Variants in CDHR1 observed in about 807,000 individuals in gnomAD.
CDHR1 encodes the protein cadherin related family member 1.
Under a neutral mutation model 72.1 loss-of-function variants are expected in CDHR1, and 61 were observed. That is an observed-to-expected ratio of 0.85 (90% CI 0.69 to 1.05). The LOEUF is 1.05. Among genes scored for constraint, CDHR1 ranks in the 50% least tolerant of loss-of-function variants. CDHR1 has a pLI of 0.00. For missense variants in CDHR1, 1,186 were observed against 1,115.7 expected (o/e 1.06, Z -0.90); for synonymous variants, 470 against 448.1 (o/e 1.05, Z -0.62).
At chr10:84,208,015 T>C (rs1475231248) in intron 10 of CDHR1, among the ~76,000 whole-genome samples, 159 bp from the exon 11 acceptor site, 1 of 152,232 alleles carries the variant, frequency 6.6e-6, no homozygotes, top group African/African-American at 2.4e-5. Context: ...CATGAAGTGA[T>C]AGCTTGCCAT....
intron 1 of CDHR1, 61 bp downstream of exon 1, chr10:84,194,876 AC>A: frequency 6.8e-7 from 1 of 1,473,614 alleles, no homozygotes; most frequent in Non-Finnish European, 9.2e-7. Context: ...CGCTGGCGTC[AC>A]CCAGGTGGCC....
intron 2 of CDHR1, 85 bp downstream of exon 2, chr10:84,195,674 C>G (rs1842017531): frequency 8.4e-7 from 1 of 1,185,630 alleles, no homozygotes; most frequent in Admixed American, 1.9e-5. Flanking sequence ...AGGCACCACC[C>G]AAGTTGCTGC....
chr10:84,213,195 C>G lies in CDHR1; in HGVS notation c.1887C>G (p.Ile629Met), dbSNP rs1413588687. The G allele has an allele frequency of 1.9e-6, 3 of 1,614,254 alleles. No homozygotes were observed. Among genetic ancestry groups the G allele is most frequent in the Non-Finnish European group, 2.5e-6 (3 of 1,180,050 alleles). The stretch of plus-strand genomic sequence containing the variant: ...ACATCAATTCCCACACGGGGGAGAT[C>G]TGGCTCAAGAATTCCATCCGCTCCC... The part of the protein sequence containing the change: ...VFDINSHTGE[I>M]WLKNSIRSLD... The change falls in exon 16 of 17, where the codon ATC (isoleucine) becomes ATG (methionine). Residue 629 changes from isoleucine to methionine, a missense_variant. Transcript: ENST00000623527.
intron 7 of CDHR1, among the ~76,000 whole-genome samples, chr10:84,202,703 G>A (rs1842149218): frequency 6.6e-6 from 1 of 152,184 alleles, no homozygotes; most frequent in African/African-American, 2.4e-5. Flanking sequence ...CTGGGAGGGG[G>A]AATTTAGCTC....
At position 84,215,445 on chromosome 10, in the gene CDHR1, A is replaced by G; in HGVS notation, c.*824A>G. On this transcript the variant is annotated 3_prime_UTR_variant, in exon 17 of 17. Transcript: ENST00000623527. ...GAGCTGCCCCACCAGCCATCCTTGA[A>G]GAGACAATTCAGGGCAGTTGATGAA... The G allele has an allele frequency of 2.0e-6, 2 of 985,478 alleles. No individual in the cohort carries two copies. Among genetic ancestry groups the G allele is most frequent in the Non-Finnish European group, 2.4e-6 (2 of 829,958 alleles). The allele number at this position is 985,478 out of a possible 1,614,324, so 61.0% of individuals were successfully genotyped here.
rs150274748 is a variant in CDHR1, at chr10:84,211,592, C to A, written c.1486-56C>A. The A allele has an allele frequency of 7.4e-6, 11 of 1,494,938 alleles. No homozygotes were observed. The Admixed American group carries it at 1.7e-4, about 23-fold the overall frequency. The allele number at this position is 1,494,938 out of a possible 1,614,324, so 92.6% of individuals were successfully genotyped here. A position where few individuals can be genotyped will look rare whatever the true frequency, so the allele number is the denominator to read the frequency against. On this transcript the variant is annotated intron_variant, in intron 13 of 16. Coordinates refer to ENST00000623527, the MANE Select transcript of CDHR1 (RefSeq NM_033100.4). ...GAAAGCAACCCTCAGGGCATGGGAG[C>A]TGCCAACATACCCTGACAAAGAGGC...
At chr10:84,209,813 C>G (rs577580050) in intron 12 of CDHR1, among the ~76,000 whole-genome samples, 1 of 152,176 alleles carries the variant, frequency 6.6e-6, no homozygotes, top group South Asian at 2.1e-4. Flanking sequence ...TAGGAATTAC[C>G]ATAAGAAATA....
intron 9 of CDHR1, 56 bp from the exon 10 acceptor site, chr10:84,205,771 C>T (rs1168707074): frequency 8.2e-6 from 10 of 1,217,296 alleles, no homozygotes; most frequent in Non-Finnish European, 1.2e-5. Context: ...TGGCACGACT[C>T]CCCTGCGCCT....
chr10:84,214,412 G>C lies in CDHR1; in HGVS notation c.2371G>C (p.Ala791Pro). The C allele has an allele frequency of 6.2e-7, 1 of 1,613,720 alleles. No homozygotes were observed. Among genetic ancestry groups the C allele is most frequent in the Non-Finnish European group, 8.5e-7 (1 of 1,180,036 alleles). Residue 791 changes from alanine to proline, a missense_variant, in exon 17 of 17, where the codon GCT becomes CCT. By Grantham distance (27) the Ala-to-Pro change is conservative. Coordinates refer to ENST00000623527, the MANE Select transcript of CDHR1 (RefSeq NM_033100.4). ...CCCAGAAAGCTCTCTGCTCCCGAGAGCTCCGGCTCTCCCTCCACCACCCAG... is the reference window on the plus strand; with the variant it reads ...CCCAGAAAGCTCTCTGCTCCCGAGACCTCCGGCTCTCCCTCCACCACCCAG... ...NSPESSLLPR[A>P]PALPPPPSVA...
chr10:84,208,225 G>A lies in CDHR1; in HGVS notation c.1015G>A (p.Val339Ile). 1 of 1,614,154 alleles carries A rather than the reference G, an allele frequency of 6.2e-7. No individual in the cohort carries two copies. Among genetic ancestry groups the A allele is most frequent in the Non-Finnish European group, 8.5e-7 (1 of 1,180,028 alleles). ...CCCAGCTGCCCAGGCCACCGTCCCA[G>A]TCACCATCAGGATTGTGGACCTCAA... ...GSPAAQATVP[V>I]TIRIVDLNNH... Residue 339 changes from valine to isoleucine, a missense_variant, in exon 11 of 17, where the codon GTC becomes ATC. Coordinates refer to ENST00000623527, the MANE Select transcript of CDHR1 (RefSeq NM_033100.4).
At position 84,217,601 on chromosome 10, in the gene CDHR1, G is replaced by A. The variant is rs954566611; in HGVS notation, c.*2980G>A. On this transcript the variant is annotated 3_prime_UTR_variant, in exon 17 of 17. Transcript: ENST00000623527. ...TAATATATGTAAAGTGCCTAGCACC[G>A]GCTTTGTATCTACTTACACAAGCTC... 10 of 985,288 alleles carry A rather than the reference G, an allele frequency of 1.0e-5. No individual in the cohort carries two copies. The highest frequency in any genetic ancestry group is 8.7e-5 in the African/African-American group (5 of 57,220). 61.0% of individuals were successfully genotyped at this position (985,288 alleles called of 1,614,324 possible).
intron 12 of CDHR1, among the ~76,000 whole-genome samples, chr10:84,209,668 A>G (rs1227053503): frequency 6.6e-6 from 1 of 151,774 alleles, no homozygotes; most frequent in African/African-American, 2.4e-5. Context: ...ACTCTTAGAA[A>G]CTCAGCAAAA....
chr10:84,203,565 C>T (rs937151326), intron 8 of CDHR1, among the ~76,000 whole-genome samples: 4 of 152,110 alleles, frequency 2.6e-5, no homozygotes, highest in East Asian at 1.9e-4. Context: ...CAGGTGCACA[C>T]CACCATGCTC....
At chr10:84,201,988 T>A in intron 7 of CDHR1, 68 bp downstream of exon 7, 1 of 1,206,684 alleles carries the variant, frequency 8.3e-7, no homozygotes, top group Non-Finnish European at 1.2e-6. Flanking sequence ...AGTTAGGTTC[T>A]ACAGGGGAGT....
At position 84,217,675 on chromosome 10, in the gene CDHR1, TG is replaced by T; in HGVS notation, c.*3055del. 1 of 985,478 alleles carries T rather than the reference TG, an allele frequency of 1.0e-6. No homozygotes were observed. The highest frequency in any genetic ancestry group is 1.2e-6 in the Non-Finnish European group (1 of 829,992). The allele number at this position is 985,478 out of a possible 1,614,324, so 61.0% of individuals were successfully genotyped here. ...GCCCACATACTAGAACACCATGTCC[TG>T]AAAGAGAGGACCCCCTCCATGCATC... On this transcript the variant is annotated 3_prime_UTR_variant, in exon 17 of 17. Coordinates refer to ENST00000623527, the MANE Select transcript of CDHR1 (RefSeq NM_033100.4).
chr10:84,211,141 G>T lies in CDHR1; in HGVS notation c.1461G>T (p.Gly487=). The change falls in exon 13 of 17, where the codon GGG becomes GGT. Residue 487 remains glycine, a synonymous_variant. Coordinates refer to ENST00000623527, the MANE Select transcript of CDHR1 (RefSeq NM_033100.4). ...YVARIPENAP[G]GSSVVAVTAV... is the part of the protein sequence containing the mutation. ...CCAGGATTCCTGAGAACGCCCCAGGGGGCTCCAGCGTGGTGGCTGTCACAG... is the reference window on the plus strand; with the variant it reads ...CCAGGATTCCTGAGAACGCCCCAGGTGGCTCCAGCGTGGTGGCTGTCACAG... 1 of 1,614,234 alleles carries T rather than the reference G, an allele frequency of 6.2e-7. No individual in the cohort carries two copies. Among genetic ancestry groups the T allele is most frequent in the South Asian group, 1.1e-5 (1 of 91,088 alleles).
At position 84,214,556 on chromosome 10, in the gene CDHR1, ACTCTGAT is replaced by A. The variant is rs794727197; in HGVS notation, c.2522_2528del (p.Ile841SerfsTer119). 1.5e-5 allele frequency: 24 copies of A among 1,601,088 alleles called. No homozygotes were observed. Among genetic ancestry groups the A allele is most frequent in the Non-Finnish European group, 2.0e-5 (24 of 1,179,908 alleles). On this transcript the variant is annotated frameshift_variant, in exon 17 of 17. Transcript: ENST00000623527. LOFTEE classifies it high-confidence loss of function. ...AACTATGGGAAGCCCCGTCCAGTCA[ACTCTGAT>A]CTCTGAGCTCAAGCAAAAGTTTGAG...
chr10:84,195,659 G>C, intron 2 of CDHR1, 70 bp downstream of exon 2: 1 of 1,368,542 alleles, frequency 7.3e-7, no homozygotes, highest in Non-Finnish European at 1.0e-6. Context: ...AACACAAAGT[G>C]CCCCAGGCAC....
rs1589307684 is a variant in CDHR1, at chr10:84,212,396, G to T, written c.1771G>T (p.Val591Leu). The change falls in exon 15 of 17, where the codon GTG becomes TTG. Residue 591 changes from valine to leucine, a missense_variant. Transcript: ENST00000623527. ...GAAGACGATGGTGCTAGGGACCCCA[G>T]TGAAAATTGAGGTAAGTTTTGGAGG... Reference protein sequence around the residue: ...QKKTMVLGTPVKIEAIDEDAE... With the variant: ...QKKTMVLGTPLKIEAIDEDAE... The T allele has an allele frequency of 1.2e-6, 2 of 1,614,016 alleles. No individual in the cohort carries two copies. The highest frequency in any genetic ancestry group is 1.3e-5 in the African/African-American group (1 of 74,926).
Sources: allele counts gnomAD v4.1 joint callset (sites outside exome capture counted in the v4.1 genomes callset), GRCh38; gene constraint gnomAD v4.1.1; transcripts MANE v1.5; gene names NCBI Gene and HGNC (gene_info 2026-07-23, HGNC 2026-07-21).